PCSK2: variants seen among roughly 807,000 people sequenced by gnomAD.
The protein encoded by PCSK2 is neuroendocrine convertase 2.
A neutral mutation model predicts 69.7 loss-of-function variants in PCSK2; 14 were observed. The ratio of observed to expected loss-of-function variants is 0.20; its 90% CI spans 0.13 to 0.31. The LOEUF is 0.31. Among genes scored for constraint, PCSK2 ranks in the 10% least tolerant of loss-of-function variants. The pLI is 1.00. For missense variants in PCSK2, 544 were observed against 842.5 expected (o/e 0.65, Z 4.39); for synonymous variants, 307 against 320.7 (o/e 0.96, Z 0.46).
intron 1 of PCSK2, among the ~76,000 whole-genome samples, chr20:17,244,131 AAAGT>A (rs1383424521): frequency 6.6e-6 from 1 of 152,208 alleles, no homozygotes; most frequent in Non-Finnish European, 1.5e-5. Context: ...ATGATTCACC[AAAGT>A]AATACGTATA....
At chr20:17,260,495 G>A (rs1280157473) in intron 2 of PCSK2, 151 bp downstream of exon 2, 2 of 618,914 alleles carry the variant, frequency 3.2e-6, no homozygotes, top group Non-Finnish European at 5.8e-6. Context: ...TCATATCAGG[G>A]ACTCTCTGCT....
chr20:17,232,983 A>C (rs6034775), intron 1 of PCSK2, among the ~76,000 whole-genome samples: 130,588 of 152,138 alleles, frequency 0.86, 56,257 homozygotes, highest in Admixed American at 0.9. Context: ...AATCCAAGCT[A>C]ATCCCTCAAG....
chr20:17,441,544 G>T, intron 8 of PCSK2, among the ~76,000 whole-genome samples: 1 of 152,136 alleles, frequency 6.6e-6, no homozygotes, highest in East Asian at 1.9e-4. Context: ...AAAGAAAGAG[G>T]TTTATTGGAC....
intron 5 of PCSK2, among the ~76,000 whole-genome samples, chr20:17,408,128 T>C (rs1291675292): frequency 1.3e-5 from 2 of 152,020 alleles, no homozygotes; most frequent in African/African-American, 4.8e-5. Context: ...CATCAAGAAA[T>C]GCCAAAGCTG....
chr20:17,465,231 G>T, intron 10 of PCSK2, 95 bp from the exon 11 acceptor site: 1 of 866,372 alleles, frequency 1.2e-6, no homozygotes, highest in South Asian at 1.4e-5. Flanking sequence ...AGAGGTCTGT[G>T]TCCTGAGTAA....
chr20:17,452,697 A>G (rs997643437), intron 8 of PCSK2, among the ~76,000 whole-genome samples: 5 of 152,214 alleles, frequency 3.3e-5, no homozygotes, highest in Admixed American at 6.5e-5. Flanking sequence ...TGCCTCCGGC[A>G]CTGCATGGCT....
intron 2 of PCSK2, among the ~76,000 whole-genome samples, chr20:17,336,859 G>A (rs886752233): frequency 9.9e-5 from 15 of 152,150 alleles, no homozygotes; most frequent in East Asian, 3.9e-4. Flanking sequence ...GGTGCATTTC[G>A]GAGGCTGGGG....
At chr20:17,290,025 A>T (rs1040731245) in intron 2 of PCSK2, among the ~76,000 whole-genome samples, 12 of 152,254 alleles carry the variant, frequency 7.9e-5, no homozygotes, top group Non-Finnish European at 1.6e-4. Context: ...CATCTCTGTC[A>T]AGAGGGTATT....
At chr20:17,449,546 T>TATATATATATGTATGTA (rs1442630991) in intron 8 of PCSK2, among the ~76,000 whole-genome samples, 2 of 49,852 alleles carry the variant, frequency 4.0e-5, no homozygotes, top group African/African-American at 1.6e-4. Flanking sequence ...ATATGTATAT[T>TATATATATATGTATGTA]TGAGACTGAG....
Position 17,453,677 on chromosome 20 carries a change from G to A in PCSK2, c.886-65G>A, listed in dbSNP as rs1388716340. 3.2e-6 allele frequency: 5 copies of A among 1,583,334 alleles called. No homozygotes were observed. The South Asian group carries it at 4.4e-5, about 14-fold the overall frequency. Reference sequence around the variant, plus strand: ...GAAGAAGCCCAACCCCTGGGCTGGAGACCTCCCCTGCCCCCTCGCAGCCCA... The same window carrying A: ...GAAGAAGCCCAACCCCTGGGCTGGAAACCTCCCCTGCCCCCTCGCAGCCCA... On this transcript the variant is annotated intron_variant, in intron 8 of 11. Coordinates refer to ENST00000262545, the MANE Select transcript of PCSK2 (RefSeq NM_002594.5). The surrounding 1 kb of genome is among the most constrained non-coding windows in gnomAD (Gnocchi z 4.0).
intron 5 of PCSK2, among the ~76,000 whole-genome samples, chr20:17,386,367 A>G (rs2031233834): frequency 6.6e-6 from 1 of 152,224 alleles, no homozygotes; most frequent in African/African-American, 2.4e-5. Flanking sequence ...CGATGAATGG[A>G]GAAGCAAAAT....
intron 5 of PCSK2, among the ~76,000 whole-genome samples, chr20:17,381,031 G>C (rs1444407693): frequency 1.3e-5 from 2 of 152,170 alleles, no homozygotes; most frequent in African/African-American, 2.4e-5. Flanking sequence ...CAGGAATCCT[G>C]ATCTTACATT....
intron 2 of PCSK2, among the ~76,000 whole-genome samples, chr20:17,348,041 A>AG (rs1568612619): frequency 5.5e-5 from 5 of 90,402 alleles, no homozygotes; most frequent in Non-Finnish European, 1.4e-4. Context: ...GAAGAAAGAA[A>AG]GAAAGAAAGG....
At chr20:17,471,460 CTAGTGCCTACAA>C (rs1439472594) in intron 11 of PCSK2, among the ~76,000 whole-genome samples, 1 of 152,202 alleles carries the variant, frequency 6.6e-6, no homozygotes, top group African/African-American at 2.4e-5. Flanking sequence ...TGGTGTAACC[CTAGTGCCTACAA>C]TAGTGCTGGG....
intron 1 of PCSK2, among the ~76,000 whole-genome samples, chr20:17,255,651 AT>A (rs1454038650): frequency 6.6e-6 from 1 of 152,060 alleles, no homozygotes; most frequent in Non-Finnish European, 1.5e-5. Context: ...TTCATTCCTA[AT>A]TTTTTAAAAC....
chr20:17,391,106 A>G (rs1009070278), intron 5 of PCSK2, among the ~76,000 whole-genome samples: 1 of 152,218 alleles, frequency 6.6e-6, no homozygotes, highest in African/African-American at 2.4e-5. Context: ...CCTTTAGAAT[A>G]AGTTCTTAGA....
chr20:17,290,113 T>C (rs1988649316), intron 2 of PCSK2, among the ~76,000 whole-genome samples: 2 of 152,358 alleles, frequency 1.3e-5, no homozygotes, highest in Non-Finnish European at 2.9e-5. Context: ...ATGTACTTGA[T>C]TTTTAGTGAA....
At chr20:17,242,090 G>A (rs1609659) in intron 1 of PCSK2, among the ~76,000 whole-genome samples, 66,444 of 152,048 alleles carry the variant, frequency 0.44, 15,260 homozygotes, top group African/African-American at 0.58. Flanking sequence ...TATGGACAGT[G>A]AGCTCAGCCC....
chr20:17,448,421 A>T (rs2032740402), intron 8 of PCSK2, among the ~76,000 whole-genome samples: 2 of 152,228 alleles, frequency 1.3e-5, no homozygotes, highest in Non-Finnish European at 2.9e-5. Context: ...AATTTGTAAC[A>T]TTCTTTTTAT....
Sources: gnomAD v4.1 joint callset for allele counts (sites outside exome capture counted in the v4.1 genomes callset) on GRCh38, gnomAD v4.1.1 for gene constraint, Gnocchi (gnomAD v3.1) non-coding constraint, MANE v1.5 for transcripts, NCBI Gene and HGNC (gene_info 2026-07-23, HGNC 2026-07-21) for gene names.